SNX29: variants seen among roughly 807,000 people sequenced by gnomAD.
SNX29 encodes sorting nexin 29.
Under a neutral mutation model 102.1 loss-of-function variants are expected in SNX29, and 78 were observed. The observed-to-expected ratio is 0.76, with a 90% CI of 0.64 to 0.92. SNX29 has a LOEUF of 0.92. Among genes scored for constraint, SNX29 ranks in the 40% least tolerant of loss-of-function variants. The probability of loss-of-function intolerance (pLI) is 0.00; values close to 1 mark genes in which losing one functional copy is unlikely to be tolerated. For synonymous variants in SNX29, 580 were observed against 414.5 expected (o/e 1.40, Z -4.85); for missense variants, 1,280 against 1,061.7 (o/e 1.21, Z -2.86).
intron 3 of SNX29, among the ~76,000 whole-genome samples, chr16:12,010,278 C>T (rs972276249): frequency 1.3e-5 from 2 of 152,086 alleles, no homozygotes; most frequent in Non-Finnish European, 2.9e-5. Context: ...GATCTCTTTG[C>T]CATATGGGTG....
At chr16:12,381,007 TCCACCCACCCACCATCCAC>T (rs1567503812) in intron 16 of SNX29, among the ~76,000 whole-genome samples, 3 of 28,140 alleles carry the variant, frequency 1.1e-4, no homozygotes, top group East Asian at 1.2e-3. Flanking sequence ...CCACCATCCA[TCCACCCACCCACCATCCAC>T]CCACCCACCA....
chr16:12,089,986 TAA>T, intron 11 of SNX29: 1 of 199,098 alleles, frequency 5.0e-6, no homozygotes. Context: ...CACGGTGCCC[TAA>T]CACCCGTGAG....
intron 18 of SNX29, among the ~76,000 whole-genome samples, chr16:12,462,978 T>G (rs1390146658): frequency 6.6e-6 from 1 of 152,152 alleles, no homozygotes; most frequent in Non-Finnish European, 1.5e-5. Context: ...TTGCCGGAAA[T>G]TAGCTCCCAT....
At chr16:12,426,714 G>T (rs917433304) in intron 18 of SNX29, among the ~76,000 whole-genome samples, 12 of 152,202 alleles carry the variant, frequency 7.9e-5, no homozygotes, top group African/African-American at 2.7e-4. Flanking sequence ...CGCCCAGGCT[G>T]GAGTGCAGTG....
chr16:11,983,038 C>G (rs999898356), intron 1 of SNX29, among the ~76,000 whole-genome samples: 1 of 152,010 alleles, frequency 6.6e-6, no homozygotes, highest in African/African-American at 2.4e-5. Context: ...TCCAGTGATT[C>G]TCTTGCCTCA....
chr16:11,998,163 A>G (rs2056158157), intron 1 of SNX29, among the ~76,000 whole-genome samples: 1 of 152,194 alleles, frequency 6.6e-6, no homozygotes, highest in South Asian at 2.1e-4. Context: ...GTTGCCCAAG[A>G]CAGAAGCAGC....
chr16:12,427,575 C>G (rs895806769), intron 18 of SNX29, among the ~76,000 whole-genome samples: 1 of 151,866 alleles, frequency 6.6e-6, no homozygotes, highest in Non-Finnish European at 1.5e-5. Flanking sequence ...CTTTGTAATT[C>G]TCTATTCGGT....
chr16:12,494,262 C>T (rs1443941225), intron 19 of SNX29, among the ~76,000 whole-genome samples: 4 of 152,168 alleles, frequency 2.6e-5, no homozygotes, highest in Admixed American at 6.5e-5. Context: ...ACCATCTCTG[C>T]GTCCTCCCTG....
chr16:12,400,522 C>G (rs983317908), intron 17 of SNX29, among the ~76,000 whole-genome samples: 6 of 152,200 alleles, frequency 3.9e-5, no homozygotes, highest in African/African-American at 1.4e-4. Flanking sequence ...CCTGAAGCAC[C>G]TTTCTCATCC....
At chr16:12,297,695 C>T (rs989881385) in intron 15 of SNX29, among the ~76,000 whole-genome samples, 1 of 152,222 alleles carries the variant, frequency 6.6e-6, no homozygotes, top group Non-Finnish European at 1.5e-5. Context: ...TTTCTCTGTA[C>T]ATCTCCAATA....
intron 14 of SNX29, among the ~76,000 whole-genome samples, chr16:12,274,764 G>A (rs796752004): frequency 3.3e-5 from 5 of 152,056 alleles, no homozygotes; most frequent in African/African-American, 4.8e-5. Context: ...ATTCTATTTT[G>A]TTATTCGTTG....
At chr16:12,114,449 C>G (rs2141286332) in intron 11 of SNX29, among the ~76,000 whole-genome samples, 1 of 152,248 alleles carries the variant, frequency 6.6e-6, no homozygotes, top group South Asian at 2.1e-4. Flanking sequence ...TGTGCAGAAC[C>G]AACATGAAGC....
chr16:12,031,632 C>T (rs1217730421), intron 4 of SNX29, among the ~76,000 whole-genome samples: 1 of 151,548 alleles, frequency 6.6e-6, no homozygotes, highest in African/African-American at 2.4e-5. Flanking sequence ...CGGTGAAACC[C>T]ATTTCTACTA....
intron 20 of SNX29, among the ~76,000 whole-genome samples, chr16:12,542,292 C>CT (rs1567680062): frequency 6.6e-6 from 1 of 152,014 alleles, no homozygotes; most frequent in African/African-American, 2.4e-5. Context: ...AGGAACTTGC[C>CT]CAAGATCACA....
intron 20 of SNX29, among the ~76,000 whole-genome samples, chr16:12,560,367 T>C (rs1354600788): frequency 6.6e-6 from 1 of 152,148 alleles, no homozygotes; most frequent in Non-Finnish European, 1.5e-5. Flanking sequence ...TGGTGACAGG[T>C]TGTGCGCTCA....
intron 15 of SNX29, among the ~76,000 whole-genome samples, chr16:12,354,599 C>T (rs2082078870): frequency 6.6e-6 from 1 of 152,182 alleles, no homozygotes; most frequent in African/African-American, 2.4e-5. Context: ...TTTGTGGGGG[C>T]ACATTGGCAG....
chr16:12,174,765 A>G (rs1297951780), intron 13 of SNX29, among the ~76,000 whole-genome samples: 1 of 152,214 alleles, frequency 6.6e-6, no homozygotes, highest in Non-Finnish European at 1.5e-5. Context: ...ATCAAATGAC[A>G]TGGATGTGGG....
At chr16:11,985,833 C>CTT (rs571058575) in intron 1 of SNX29, among the ~76,000 whole-genome samples, 13 of 135,514 alleles carry the variant, frequency 9.6e-5, no homozygotes, top group African/African-American at 2.4e-4. Flanking sequence ...ATTGCCTTAT[C>CTT]TTTTTTTTTT....
At position 12,504,324 on chromosome 16, in the gene SNX29, G is replaced by A. The variant is rs569377376; in HGVS notation, c.2179-20378G>A. Among the ~76,000 whole-genome samples the A allele has an allele frequency of 4.6e-5, 7 of 152,230 alleles. No homozygotes were observed. The South Asian group carries it at 1.0e-3, about 23-fold the overall frequency. On this transcript the variant is annotated intron_variant, in intron 19 of 20. Coordinates refer to ENST00000566228, the MANE Select transcript of SNX29 (RefSeq NM_032167.5). ...GTTTTTAGTATATTTCCAGAATTGT[G>A]CAGTTATCACTAGGAGCAATTTTAG...
Sources: gnomAD v4.1 joint callset for allele counts (sites outside exome capture counted in the v4.1 genomes callset) on GRCh38, gnomAD v4.1.1 for gene constraint, MANE v1.5 for transcripts, NCBI Gene and HGNC (gene_info 2026-07-23, HGNC 2026-07-21) for gene names.